DNAL1: variants seen among roughly 807,000 people sequenced by gnomAD.
DNAL1 encodes the protein chromosome 14 open reading frame 168.
DNAL1 carries 17 observed loss-of-function variants against 29.4 expected under a neutral mutation model. The ratio of observed to expected loss-of-function variants is 0.58; its 90% CI spans 0.40 to 0.87. The LOEUF (loss-of-function observed/expected upper bound fraction) is 0.87, where lower values mean the gene tolerates loss of function less well. DNAL1 is among the 40% of genes least tolerant of loss of function. The pLI is 0.00. For synonymous variants in DNAL1, 78 were observed against 76.3 expected, an observed-to-expected ratio of 1.02 and a Z score of -0.12; for missense variants, 188 against 214.1, an observed-to-expected ratio of 0.88 and a Z score of 0.76.
At chr14:73,694,747 T>C (rs1016947864) in intron 7 of DNAL1, among the ~76,000 whole-genome samples, 3 of 151,496 alleles carry the variant, frequency 2.0e-5, no homozygotes, top group African/African-American at 7.3e-5. Flanking sequence ...TGGAGTGCAA[T>C]GGCATGATCT....
At chr14:73,655,198 A>C (rs914907731) in intron 2 of DNAL1, among the ~76,000 whole-genome samples, 1 of 152,134 alleles carries the variant, frequency 6.6e-6, no homozygotes, top group African/African-American at 2.4e-5. Flanking sequence ...CCTTGGGGGA[A>C]CTGGACAAAC....
At position 73,696,287 on chromosome 14, in the gene DNAL1, A is replaced by AT. The variant is rs76960001; in HGVS notation, c.*353dup. ...AACAAATGTTTTTTTCAGTTTGTTC[A>AT]TTTTTTTTAGGTTAGACATTTTAAA... On this transcript the variant is annotated 3_prime_UTR_variant, in exon 8 of 8. Transcript: ENST00000553645. 0.12 allele frequency: 19,667 copies of AT among 168,050 alleles called. 2,299 individuals are homozygous for AT. The highest frequency in any genetic ancestry group is 0.61 in the East Asian group (3,566 of 5,868). The allele number at this position is 168,050 out of a possible 1,614,324, so 10.4% of individuals were successfully genotyped here.
intron 5 of DNAL1, among the ~76,000 whole-genome samples, chr14:73,685,629 T>C (rs1205679369): frequency 6.6e-6 from 1 of 151,990 alleles, no homozygotes; most frequent in Non-Finnish European, 1.5e-5. Context: ...CCGGCTAATT[T>C]TTTTATATTT....
intron 4 of DNAL1, among the ~76,000 whole-genome samples, chr14:73,667,082 A>C (rs1240535554): frequency 6.6e-6 from 1 of 151,806 alleles, no homozygotes; most frequent in African/African-American, 2.4e-5. Context: ...TTGCAGATTC[A>C]TACATTCCAT....
intron 5 of DNAL1, among the ~76,000 whole-genome samples, chr14:73,672,430 C>G (rs575826969): frequency 6.6e-6 from 1 of 151,712 alleles, no homozygotes; most frequent in African/African-American, 2.4e-5. Context: ...ACGGTGAAAC[C>G]CTATCTCTAT....
At chr14:73,691,403 G>A in intron 7 of DNAL1, among the ~76,000 whole-genome samples, 1 of 151,850 alleles carries the variant, frequency 6.6e-6, no homozygotes, top group Admixed American at 6.6e-5. Flanking sequence ...TACAAAATTA[G>A]CTGGACCTGG....
chr14:73,649,753 A>G (rs551561285), intron 1 of DNAL1, among the ~76,000 whole-genome samples: 2 of 152,244 alleles, frequency 1.3e-5, no homozygotes, highest in South Asian at 4.2e-4. Context: ...CTAATATACT[A>G]TATAATTTTC....
chr14:73,648,395 C>G (rs796942198), intron 1 of DNAL1, among the ~76,000 whole-genome samples: 3 of 25,520 alleles, frequency 1.2e-4, no homozygotes, highest in African/African-American at 8.1e-4. Context: ...TGTTATAACA[C>G]CTCATTTCAT....
intron 1 of DNAL1, among the ~76,000 whole-genome samples, chr14:73,652,177 C>G (rs1891127089): frequency 6.6e-6 from 1 of 152,086 alleles, no homozygotes; most frequent in African/African-American, 2.4e-5. Flanking sequence ...TCCCCAGCCC[C>G]CCAGTAGCTG....
rs1892308700 is a variant in DNAL1 at position 73,696,669 on chromosome 14, A to G, written c.*727A>G. The stretch of plus-strand genomic sequence containing the variant: ...AATGACTGTCATGATCATTTCTTTG[A>G]CTGATAATGTGGCAATGTTACTCAT... On this transcript the variant is annotated 3_prime_UTR_variant, in exon 8 of 8. Coordinates refer to ENST00000553645, the MANE Select transcript of DNAL1 (RefSeq NM_031427.4). The G allele has an allele frequency of 6.6e-6, 1 of 152,148 alleles. No individual in the cohort carries two copies. The highest frequency in any genetic ancestry group is 6.5e-5 in the Admixed American group (1 of 15,274). 9.4% of individuals were successfully genotyped at this position (152,148 alleles called of 1,614,324 possible).
Position 73,700,857 on chromosome 14 carries a change from A to T in DNAL1, c.*4915A>T, listed in dbSNP as rs1892420667. ...TGTAGCAGAGTTGGTGCTTCTTCTG[A>T]CAAGCTAACTTGACCATATTTCTTT... is the stretch of plus-strand genomic sequence containing the variant. On this transcript the variant is annotated 3_prime_UTR_variant, in exon 8 of 8. Coordinates refer to ENST00000553645, the MANE Select transcript of DNAL1 (RefSeq NM_031427.4). 6.6e-6 allele frequency: 1 copy of T among 152,236 alleles called. No homozygotes were observed. Among genetic ancestry groups the T allele is most frequent in the Non-Finnish European group, 1.5e-5 (1 of 68,036 alleles). 9.4% of individuals were successfully genotyped at this position (152,236 alleles called of 1,614,324 possible). A position where few individuals can be genotyped will look rare whatever the true frequency, so the allele number is the denominator to read the frequency against.
intron 7 of DNAL1, among the ~76,000 whole-genome samples, chr14:73,695,499 C>T (rs542419711): frequency 6.6e-5 from 10 of 152,116 alleles, no homozygotes; most frequent in East Asian, 1.9e-4. Context: ...ATTTTTATTA[C>T]GGCACACTTC....
intron 5 of DNAL1, among the ~76,000 whole-genome samples, chr14:73,680,733 C>T (rs948494845): frequency 1.1e-4 from 16 of 152,106 alleles, no homozygotes; most frequent in Admixed American, 6.6e-4. Context: ...AGAAATGCAA[C>T]ATTAGGCAAT....
At chr14:73,691,388 A>T (rs1252746522) in intron 7 of DNAL1, among the ~76,000 whole-genome samples, 1 of 151,944 alleles carries the variant, frequency 6.6e-6, no homozygotes, top group African/African-American at 2.4e-5. Flanking sequence ...TGTCTCTAGT[A>T]AAAATACAAA....
chr14:73,655,088 C>T (rs144654100), intron 2 of DNAL1, among the ~76,000 whole-genome samples: 1 of 152,046 alleles, frequency 6.6e-6, no homozygotes, highest in Non-Finnish European at 1.5e-5. Flanking sequence ...GTCATACATG[C>T]ACATGAGCAC....
At chr14:73,654,988 G>A in intron 2 of DNAL1, 103 bp downstream of exon 2, 1 of 1,177,182 alleles carries the variant, frequency 8.5e-7, no homozygotes, top group Non-Finnish European at 1.2e-6. Context: ...TTTGGTATTG[G>A]AACTATTCAG....
chr14:73,695,300 C>G (rs1892276382), intron 7 of DNAL1, among the ~76,000 whole-genome samples: 2 of 151,638 alleles, frequency 1.3e-5, no homozygotes, highest in South Asian at 4.2e-4. Flanking sequence ...TTAAGCGCTT[C>G]TCTCATCTGG....
chr14:73,690,736 A>T (rs1258751036), intron 7 of DNAL1, among the ~76,000 whole-genome samples: 1 of 152,210 alleles, frequency 6.6e-6, no homozygotes, highest in Non-Finnish European at 1.5e-5. Context: ...ACTTTTATGT[A>T]AAAGAAAAAT....
In DNAL1 at chr14:73,698,616, G is replaced by C. The variant is rs1295352722; in HGVS notation, c.*2674G>C. 6.6e-6 allele frequency: 1 copy of C among 151,830 alleles called. No homozygotes were observed. Among genetic ancestry groups the C allele is most frequent in the Non-Finnish European group, 1.5e-5 (1 of 67,970 alleles). 9.4% of individuals were successfully genotyped at this position (151,830 alleles called of 1,614,324 possible). ...GTGCCATCATGCCTGGCCTATTTTT[G>C]TATTTTTAGTAGAGATGGGGTTTCA... On this transcript the variant is annotated 3_prime_UTR_variant, in exon 8 of 8. Coordinates refer to ENST00000553645, the MANE Select transcript of DNAL1 (RefSeq NM_031427.4).
Sources: gnomAD v4.1 joint callset for allele counts (sites outside exome capture counted in the v4.1 genomes callset) on GRCh38, gnomAD v4.1.1 for gene constraint, MANE v1.5 for transcripts, NCBI Gene and HGNC (gene_info 2026-07-23, HGNC 2026-07-21) for gene names.